The following TSNARE1 variants were observed in gnomAD, a reference collection of about 807,000 sequenced individuals.
TSNARE1 encodes t-SNARE domain-containing protein 1.
Under a neutral mutation model 62.0 loss-of-function variants are expected in TSNARE1, and 49 were observed. That is an observed-to-expected ratio of 0.79 (90% CI 0.63 to 1.00). The LOEUF (loss-of-function observed/expected upper bound fraction) is 1.00. TSNARE1 is among the 50% of genes least tolerant of loss of function. The probability of loss-of-function intolerance (pLI) is 0.00; values close to 1 mark genes in which losing one functional copy is unlikely to be tolerated. For missense variants in TSNARE1, 755 were observed against 700.1 expected, an observed-to-expected ratio of 1.08 and a Z score of -0.88; for synonymous variants, 328 against 294.4, an observed-to-expected ratio of 1.11 and a Z score of -1.17.
intron 1 of TSNARE1, among the ~76,000 whole-genome samples, chr8:142,360,538 C>G (rs1342336429): frequency 6.6e-6 from 1 of 152,282 alleles, no homozygotes; most frequent in South Asian, 2.1e-4. Context: ...CCACTTGCTC[C>G]CAAGGAGGCT....
At chr8:142,247,964 T>G (rs1817973896) in intron 12 of TSNARE1, 2 of 152,258 alleles carry the variant, frequency 1.3e-5, no homozygotes, top group East Asian at 3.9e-4. Context: ...CTTTTGCATG[T>G]GGGAAGGACA....
chr8:142,279,730 G>T, intron 11 of TSNARE1: 1 of 312,174 alleles, frequency 3.2e-6, no homozygotes, highest in Non-Finnish European at 4.7e-6. Flanking sequence ...CATCTCCATG[G>T]GCCTCTGGGT....
intron 13 of TSNARE1, among the ~76,000 whole-genome samples, chr8:142,225,432 C>T (rs1816728096): frequency 6.6e-6 from 1 of 152,102 alleles, no homozygotes; most frequent in South Asian, 2.1e-4. Flanking sequence ...CCCCTCCCTC[C>T]CCTAACCCTC....
intron 12 of TSNARE1, among the ~76,000 whole-genome samples, chr8:142,257,785 ACT>A (rs1818658460): frequency 6.6e-6 from 1 of 151,628 alleles, no homozygotes; most frequent in African/African-American, 2.4e-5. Flanking sequence ...CCTGCCAGAC[ACT>A]CACTGCTTCA....
At chr8:142,271,245 G>A (rs1228360203) in intron 12 of TSNARE1, 6 of 1,018,130 alleles carry the variant, frequency 5.9e-6, no homozygotes, top group South Asian at 4.6e-5. Flanking sequence ...CGGGTAGGGC[G>A]TGCTTCCACC....
intron 12 of TSNARE1, among the ~76,000 whole-genome samples, chr8:142,232,436 G>A (rs536034897): frequency 2.0e-4 from 31 of 152,346 alleles, no homozygotes; most frequent in African/African-American, 5.0e-4. Flanking sequence ...CCTGCGCTAC[G>A]TCTCTACCCT....
chr8:142,296,861 G>A (rs943181993), intron 10 of TSNARE1, among the ~76,000 whole-genome samples: 8 of 152,122 alleles, frequency 5.3e-5, no homozygotes, highest in Non-Finnish European at 1.2e-4. Flanking sequence ...CACCAGGCCT[G>A]GGCGGGGGCA....
At chr8:142,330,749 T>C (rs56264224) in intron 6 of TSNARE1, 152 bp downstream of exon 6, 174,684 of 702,420 alleles carry the variant, frequency 0.25, 23,243 homozygotes, top group South Asian at 0.32. Flanking sequence ...TCCGCAGGCG[T>C]GTGTGCATAT....
At chr8:142,316,341 T>C (rs541581548) in intron 7 of TSNARE1, among the ~76,000 whole-genome samples, 2 of 151,782 alleles carry the variant, frequency 1.3e-5, no homozygotes, top group East Asian at 3.9e-4. Flanking sequence ...GACCCATGCA[T>C]GGAAAGGCTC....
chr8:142,365,688 G>C (rs906504977), intron 1 of TSNARE1, among the ~76,000 whole-genome samples: 41 of 152,008 alleles, frequency 2.7e-4, no homozygotes, highest in African/African-American at 9.9e-4. Flanking sequence ...GTTAACATTT[G>C]GGATATTTGG....
intron 1 of TSNARE1, among the ~76,000 whole-genome samples, chr8:142,355,475 C>A (rs1834650791): frequency 6.6e-6 from 1 of 152,200 alleles, no homozygotes; most frequent in Non-Finnish European, 1.5e-5. Context: ...CCTTGGGGCA[C>A]CGGCCGTCCC....
At chr8:142,354,845 G>A (rs1384029252) in intron 1 of TSNARE1, 82 bp from the exon 2 acceptor site, 12 of 761,974 alleles carry the variant, frequency 1.6e-5, no homozygotes, top group Admixed American at 9.1e-5. Context: ...AGGGGCCGCC[G>A]GCCCCTCCCC....
At chr8:142,406,480 GGA>G (rs1838585806), upstream of TSNARE1, 1 of 152,302 alleles carries the variant, frequency 6.6e-6, no homozygotes, top group Admixed American at 6.5e-5. Context: ...ACAGCCTGGA[GGA>G]GCTTGTGAGG....
chr8:142,317,909 G>C (rs1046861637), intron 7 of TSNARE1, among the ~76,000 whole-genome samples: 2 of 152,186 alleles, frequency 1.3e-5, no homozygotes, highest in Non-Finnish European at 2.9e-5. Context: ...AGTGAGCCAA[G>C]ATCATGCCAC....
chr8:142,393,173 T>C (rs1454164556), intron 1 of TSNARE1, among the ~76,000 whole-genome samples: 1 of 152,216 alleles, frequency 6.6e-6, no homozygotes, highest in Non-Finnish European at 1.5e-5. Flanking sequence ...AAACCACTCC[T>C]GGCCCCTGCA....
chr8:142,266,887 G>A (rs1057409158), intron 12 of TSNARE1, among the ~76,000 whole-genome samples: 1 of 151,910 alleles, frequency 6.6e-6, no homozygotes, highest in African/African-American at 2.4e-5. Context: ...ACCTCTCTTT[G>A]CAACATTATT....
intron 13 of TSNARE1, among the ~76,000 whole-genome samples, chr8:142,215,968 C>T (rs28540013): frequency 0.05 from 7,552 of 152,226 alleles, 248 homozygotes; most frequent in Non-Finnish European, 0.078. Context: ...GGATGGCCCT[C>T]GGGCCCTGTG....
intron 10 of TSNARE1, among the ~76,000 whole-genome samples, chr8:142,297,654 C>T (rs996099123): frequency 6.6e-6 from 1 of 152,236 alleles, no homozygotes; most frequent in African/African-American, 2.4e-5. Flanking sequence ...CCGAGCCCTG[C>T]GCAGGCTGCA....
At chr8:142,343,817 A>AGGAGGAGGAG (rs1563952812) in intron 4 of TSNARE1, 149 bp downstream of exon 4, 3 of 197,862 alleles carry the variant, frequency 1.5e-5, no homozygotes, top group African/African-American at 5.5e-4. Context: ...GGAGGAGGGG[A>AGGAGGAGGAG]GAGGAGGAGG....
Sources: allele counts gnomAD v4.1 joint callset (sites outside exome capture counted in the v4.1 genomes callset), GRCh38; gene constraint gnomAD v4.1.1; transcripts MANE v1.5; gene names NCBI Gene and HGNC (gene_info 2026-07-23, HGNC 2026-07-21).